TTC17: variants seen among roughly 807,000 people sequenced by gnomAD.
TTC17 encodes the protein tetratricopeptide repeat protein 17.
Under a neutral mutation model 143.8 loss-of-function variants are expected in TTC17, and 58 were observed. The observed-to-expected ratio is 0.40, with a 90% CI of 0.33 to 0.50. The LOEUF is 0.50. Among genes scored for constraint, TTC17 ranks in the 20% least tolerant of loss-of-function variants. The pLI is 0.49. For missense variants in TTC17, 1,273 were observed against 1,392.5 expected, an observed-to-expected ratio of 0.91 and a Z score of 1.37; for synonymous variants, 501 against 497.8, an observed-to-expected ratio of 1.01 and a Z score of -0.09.
At chr11:43,410,755 A>G (rs964420157) in intron 15 of TTC17, among the ~76,000 whole-genome samples, 1 of 152,140 alleles carries the variant, frequency 6.6e-6, no homozygotes, top group African/African-American at 2.4e-5. Context: ...TTCCAAATTT[A>G]TTCTTCCCAG....
chr11:43,403,156 G>A (rs1284524613), intron 10 of TTC17, among the ~76,000 whole-genome samples: 1 of 152,114 alleles, frequency 6.6e-6, no homozygotes, highest in Middle Eastern at 3.2e-3. Flanking sequence ...GAAGAAGGGG[G>A]ATGTTTAGAA....
chr11:43,383,235 A>G (rs200763361), intron 2 of TTC17, among the ~76,000 whole-genome samples: 26 of 151,566 alleles, frequency 1.7e-4, no homozygotes, highest in African/African-American at 4.6e-4. Context: ...GGAGTGGGGG[A>G]GAGAGAGAGA....
chr11:43,491,850 A>G, intron 22 of TTC17, 170 bp from the exon 23 acceptor site: 1 of 709,428 alleles, frequency 1.4e-6, no homozygotes, highest in Non-Finnish European at 2.3e-6. Flanking sequence ...ATTCTGGTAC[A>G]AGCACCTTAT....
intron 21 of TTC17, among the ~76,000 whole-genome samples, chr11:43,460,700 A>G (rs1160457510): frequency 6.6e-6 from 1 of 152,206 alleles, no homozygotes; most frequent in African/African-American, 2.4e-5. Context: ...GGAGTCATTT[A>G]TGCAACTGCA....
At chr11:43,398,969 C>G (rs1857732446) in intron 8 of TTC17, among the ~76,000 whole-genome samples, 1 of 152,000 alleles carries the variant, frequency 6.6e-6, no homozygotes, top group Non-Finnish European at 1.5e-5. Flanking sequence ...TGAGCTGGCT[C>G]TATCTTTACA....
At chr11:43,468,787 C>G (rs1008561274) in intron 21 of TTC17, among the ~76,000 whole-genome samples, 1 of 152,018 alleles carries the variant, frequency 6.6e-6, no homozygotes, top group Non-Finnish European at 1.5e-5. Context: ...ATTTAAAAAT[C>G]AGCCAGCAAC....
At chr11:43,440,648 T>C (rs912466661) in intron 16 of TTC17, among the ~76,000 whole-genome samples, 4 of 152,210 alleles carry the variant, frequency 2.6e-5, no homozygotes, top group African/African-American at 9.7e-5. Context: ...GTCTTCTCTT[T>C]CCTTGTCCAA....
intron 5 of TTC17, among the ~76,000 whole-genome samples, chr11:43,395,078 T>C (rs953284355): frequency 6.6e-5 from 10 of 151,804 alleles, no homozygotes; most frequent in African/African-American, 2.4e-4. Context: ...TATCATGATC[T>C]CTTCAGTAGT....
intron 21 of TTC17, chr11:43,466,784 G>A (rs1008805760): frequency 6.3e-6 from 2 of 316,584 alleles, no homozygotes; most frequent in Non-Finnish European, 1.3e-5. Flanking sequence ...GGGTGAAAGA[G>A]GGCATGAATA....
In TTC17 at chr11:43,418,176, A is replaced by G. The variant is rs576048302; in HGVS notation, c.2251+3400A>G. Among the ~76,000 whole-genome samples, 31 of 152,332 alleles carry G rather than the reference A, an allele frequency of 2.0e-4. No individual in the cohort carries two copies. In the East Asian group the frequency reaches 3.3e-3, roughly 16 times the overall value. ...TTAATGAAGTATTATTTATCTGACA[A>G]TGTTTTCAAACTTTTATTAACCTAC... On this transcript the variant is annotated intron_variant, in intron 16 of 23. Coordinates refer to ENST00000039989, the MANE Select transcript of TTC17 (RefSeq NM_018259.6).
chr11:43,367,226 G>A (rs1856379462), intron 1 of TTC17, among the ~76,000 whole-genome samples: 2 of 152,102 alleles, frequency 1.3e-5, no homozygotes, highest in South Asian at 4.1e-4. Context: ...CTCAGAAAAG[G>A]TGCACAGTAG....
At chr11:43,427,827 G>A (rs1947064607) in intron 16 of TTC17, among the ~76,000 whole-genome samples, 1 of 151,944 alleles carries the variant, frequency 6.6e-6, no homozygotes, top group South Asian at 2.1e-4. Context: ...AGCTCACCAA[G>A]CATTCCATAC....
intron 1 of TTC17, chr11:43,369,985 A>G (rs770547619): frequency 1.9e-5 from 8 of 429,248 alleles, no homozygotes; most frequent in South Asian, 1.0e-4. Flanking sequence ...TATATTTCCA[A>G]ATCTTGGCAG....
intron 1 of TTC17, among the ~76,000 whole-genome samples, chr11:43,360,199 G>A (rs1856040893): frequency 1.3e-5 from 2 of 152,198 alleles, no homozygotes; most frequent in African/African-American, 4.8e-5. Flanking sequence ...TAATGTAATT[G>A]CAAATTCTAT....
At chr11:43,490,510 T>C in intron 22 of TTC17, 152 bp downstream of exon 22, 2 of 1,263,324 alleles carry the variant, frequency 1.6e-6, no homozygotes, top group Non-Finnish European at 2.1e-6. Context: ...TGACTGGGCT[T>C]GTGCCCCAGC....
At chr11:43,361,920 G>A (rs1359938196) in intron 1 of TTC17, among the ~76,000 whole-genome samples, 1 of 151,414 alleles carries the variant, frequency 6.6e-6, no homozygotes. Flanking sequence ...GTTTTCCACA[G>A]TGATCATAAA....
At chr11:43,448,253 A>T in intron 19 of TTC17, 131 bp downstream of exon 19, 1 of 1,336,394 alleles carries the variant, frequency 7.5e-7, no homozygotes, top group South Asian at 1.5e-5. Context: ...AAGGATGACC[A>T]TGCTGACCAT....
intron 20 of TTC17, among the ~76,000 whole-genome samples, chr11:43,450,544 T>C (rs1245941953): frequency 6.6e-6 from 1 of 152,200 alleles, no homozygotes. Context: ...TTAATTCTCC[T>C]GTTGACATTT....
At chr11:43,403,783 A>G (rs1421475620) in intron 10 of TTC17, among the ~76,000 whole-genome samples, 1 of 126,250 alleles carries the variant, frequency 7.9e-6, no homozygotes, top group East Asian at 1.9e-4. Context: ...TCATACTCCA[A>G]TGGCAAAGTT....
Sources: allele counts gnomAD v4.1 joint callset (sites outside exome capture counted in the v4.1 genomes callset), GRCh38; gene constraint gnomAD v4.1.1; transcripts MANE v1.5; gene names NCBI Gene and HGNC (gene_info 2026-07-23, HGNC 2026-07-21).